Variants in SWT1 observed in about 807,000 individuals in gnomAD.
The protein encoded by SWT1 is transcriptional protein SWT1.
A neutral mutation model predicts 107.3 loss-of-function variants in SWT1; 33 were observed. That is an observed-to-expected ratio of 0.31 (90% CI 0.23 to 0.41). The LOEUF (loss-of-function observed/expected upper bound fraction) is 0.41, where lower values mean the gene tolerates loss of function less well. Ranked by LOEUF, SWT1 falls within the 10% of genes least tolerant of loss-of-function variation. SWT1 has a pLI of 1.00. For synonymous variants in SWT1, 345 were observed against 348.3 expected (o/e 0.99, Z 0.11); for missense variants, 898 against 1,028.9 (o/e 0.87, Z 1.74).
chr1:185,238,355 G>A (rs1661042463), intron 16 of SWT1, among the ~76,000 whole-genome samples: 1 of 152,102 alleles, frequency 6.6e-6, no homozygotes, highest in Non-Finnish European at 1.5e-5. Flanking sequence ...CCTTCCCAGA[G>A]CATTTCATGG....
chr1:185,178,635 A>G (rs1381080127), intron 5 of SWT1, among the ~76,000 whole-genome samples: 1 of 152,204 alleles, frequency 6.6e-6, no homozygotes, highest in East Asian at 1.9e-4. Flanking sequence ...TAGGTGGCCC[A>G]TGAATAGAGA....
intron 16 of SWT1, among the ~76,000 whole-genome samples, chr1:185,241,326 TTC>T (rs1661242037): frequency 6.6e-6 from 1 of 152,108 alleles, no homozygotes; most frequent in African/African-American, 2.4e-5. Flanking sequence ...CTGACCTACT[TTC>T]TTTGAGGCTT....
intron 16 of SWT1, among the ~76,000 whole-genome samples, chr1:185,232,526 T>G (rs1660574300): frequency 6.6e-6 from 1 of 152,172 alleles, no homozygotes; most frequent in Non-Finnish European, 1.5e-5. Context: ...TCAATCATAT[T>G]AAAACAGATC....
intron 1 of SWT1, among the ~76,000 whole-genome samples, chr1:185,158,044 A>T (rs1482689784): frequency 2.0e-5 from 3 of 152,212 alleles, no homozygotes; most frequent in African/African-American, 7.2e-5. Context: ...CCTTCTAGGC[A>T]TCAGGGCAGG....
In SWT1 at chr1:185,260,112, G is replaced by T. The variant is rs1029839116; in HGVS notation, c.2442-11211G>T. Among the ~76,000 whole-genome samples the T allele has an allele frequency of 3.9e-5, 6 of 152,128 alleles. No individual in the cohort carries two copies. The East Asian group carries it at 1.2e-3, about 29-fold the overall frequency. On this transcript the variant is annotated intron_variant, in intron 16 of 18. Coordinates refer to ENST00000367500, the MANE Select transcript of SWT1 (RefSeq NM_017673.7). The stretch of plus-strand genomic sequence containing the variant: ...AAAACAATGGTTATTTATTTTAGAG[G>T]ATGAGTGCACATGATGGCTTAGGTG...
At chr1:185,289,925 G>A (rs961839941) in intron 18 of SWT1, among the ~76,000 whole-genome samples, 3 of 152,130 alleles carry the variant, frequency 2.0e-5, no homozygotes, top group African/African-American at 7.2e-5. Flanking sequence ...GTACAACATG[G>A]TGACTTTAGT....
At chr1:185,159,393 G>A (rs1653945508) in intron 1 of SWT1, among the ~76,000 whole-genome samples, 2 of 152,148 alleles carry the variant, frequency 1.3e-5, no homozygotes, top group South Asian at 4.1e-4. Flanking sequence ...TTCTGGGATA[G>A]TCCACAATAC....
chr1:185,266,481 A>G (rs996645015), intron 16 of SWT1: 2 of 152,224 alleles, frequency 1.3e-5, no homozygotes, highest in African/African-American at 4.8e-5. Flanking sequence ...TTCAAATTGA[A>G]AATTTAGTCC....
intron 16 of SWT1, among the ~76,000 whole-genome samples, chr1:185,235,356 T>C (rs1660791142): frequency 6.6e-6 from 1 of 152,186 alleles, no homozygotes; most frequent in Non-Finnish European, 1.5e-5. Context: ...TCAAAAAGCT[T>C]ATCCACCATG....
At chr1:185,211,964 C>A (rs912870857) in intron 13 of SWT1, among the ~76,000 whole-genome samples, 2 of 151,962 alleles carry the variant, frequency 1.3e-5, no homozygotes, top group African/African-American at 4.8e-5. Context: ...GGACAAAAAA[C>A]CAAACACTAC....
At chr1:185,162,733 A>G (rs1040046785) in intron 2 of SWT1, among the ~76,000 whole-genome samples, 19 of 152,296 alleles carry the variant, frequency 1.2e-4, no homozygotes, top group African/African-American at 3.1e-4. Flanking sequence ...AGTGAGTCAC[A>G]TGAATTTTTT....
chr1:185,160,483 A>G (rs1411312229), intron 1 of SWT1, among the ~76,000 whole-genome samples: 1 of 152,068 alleles, frequency 6.6e-6, no homozygotes, highest in Non-Finnish European at 1.5e-5. Context: ...CGGGTGGATA[A>G]CAAGGTCAGG....
intron 14 of SWT1, among the ~76,000 whole-genome samples, chr1:185,220,138 C>CAAA (rs34674504): frequency 2.2e-5 from 1 of 45,632 alleles, no homozygotes; most frequent in East Asian, 8.3e-4. Context: ...GACCCTGTCT[C>CAAA]AAAAAAAAAA....
chr1:185,280,978 A>G (rs1255035721), intron 18 of SWT1: 9 of 451,454 alleles, frequency 2.0e-5, no homozygotes, highest in Non-Finnish European at 3.1e-5. Context: ...GGCAAAAGAA[A>G]ATACTTGATA....
At position 185,168,413 on chromosome 1, in the gene SWT1, T is replaced by C; in HGVS notation, c.224+15T>C. On this transcript the variant is annotated intron_variant, in intron 4 of 18. Coordinates refer to ENST00000367500, the MANE Select transcript of SWT1 (RefSeq NM_017673.7). ...GGACTGAAAAGGTAAATTTCTCCTT[T>C]TTCTTTTTACTGTTTTGGTTTAGAA... 1 of 1,374,040 alleles carries C rather than the reference T, an allele frequency of 7.3e-7. No homozygotes were observed. The highest frequency in any genetic ancestry group is 9.7e-7 in the Non-Finnish European group (1 of 1,026,152). The allele number at this position is 1,374,040 out of a possible 1,614,324, so 85.1% of individuals were successfully genotyped here.
At chr1:185,230,098 G>C (rs552310694) in intron 15 of SWT1, among the ~76,000 whole-genome samples, 1 of 152,324 alleles carries the variant, frequency 6.6e-6, no homozygotes, top group African/African-American at 2.4e-5. Flanking sequence ...TGTTAAGTGA[G>C]TTTTACGACA....
intron 16 of SWT1, among the ~76,000 whole-genome samples, chr1:185,253,535 C>CTT (rs1461057609): frequency 6.7e-6 from 1 of 149,636 alleles, no homozygotes; most frequent in East Asian, 2.1e-4. Flanking sequence ...ATTTTATTCT[C>CTT]TTTGAAGCAA....
intron 10 of SWT1, among the ~76,000 whole-genome samples, chr1:185,198,782 A>G (rs1422132063): frequency 7.7e-6 from 1 of 130,662 alleles, no homozygotes; most frequent in African/African-American, 2.9e-5. Context: ...TTTGCTTTCC[A>G]TTTGCTTTGT....
intron 15 of SWT1, among the ~76,000 whole-genome samples, chr1:185,231,296 C>T (rs897565940): frequency 6.6e-6 from 1 of 152,162 alleles, no homozygotes; most frequent in African/African-American, 2.4e-5. Context: ...CATTACTTCT[C>T]CTCTATCTCT....
Sources: gnomAD v4.1 joint callset for allele counts (sites outside exome capture counted in the v4.1 genomes callset) on GRCh38, gnomAD v4.1.1 for gene constraint, MANE v1.5 for transcripts, NCBI Gene and HGNC (gene_info 2026-07-23, HGNC 2026-07-21) for gene names.